CSNK2A2IP: variants seen among roughly 807,000 people sequenced by gnomAD.
The protein encoded by CSNK2A2IP is casein kinase 2 subunit alpha' interacting protein, also known as casein kinase II subunit alpha'-interacting protein.
At chr3:88,440,951 T>C in the CSNK2A2IP span, among the ~76,000 whole-genome samples, 1 of 152,186 alleles carries the variant, frequency 6.6e-6, no homozygotes. Context: ...GATCCTTAAT[T>C]GTAGATTCAA....
the CSNK2A2IP span, chr3:88,466,449 A>G: frequency 6.5e-6 from 8 of 1,231,852 alleles, no homozygotes; most frequent in South Asian, 1.6e-4. Flanking sequence ...CACCCCATCC[A>G]AAAACAAACA....
chr3:88,368,458 G>A, the CSNK2A2IP span, among the ~76,000 whole-genome samples: 8 of 152,024 alleles, frequency 5.3e-5, no homozygotes, highest in African/African-American at 1.4e-4. Context: ...CAATGCCATA[G>A]AGACAGACAA....
the CSNK2A2IP span, among the ~76,000 whole-genome samples, chr3:88,372,579 T>C: frequency 2.9e-4 from 44 of 151,312 alleles, no homozygotes; most frequent in Non-Finnish European, 3.4e-4. Context: ...AAAATACAAG[T>C]GAGGCAAGCA....
the CSNK2A2IP span, among the ~76,000 whole-genome samples, chr3:88,451,427 T>C: frequency 7.4e-5 from 1 of 13,522 alleles, no homozygotes; most frequent in Admixed American, 1.4e-3. Flanking sequence ...AAAATCAGGG[T>C]TTTTTTTTTT....
the CSNK2A2IP span, among the ~76,000 whole-genome samples, chr3:88,381,749 G>C: frequency 1.1e-4 from 17 of 152,206 alleles, no homozygotes; most frequent in South Asian, 2.5e-3. Flanking sequence ...AGTAAAGGAA[G>C]ACCAGGTGTG....
chr3:88,454,052 C>T, the CSNK2A2IP span, among the ~76,000 whole-genome samples: 7 of 152,018 alleles, frequency 4.6e-5, no homozygotes, highest in African/African-American at 1.7e-4. Context: ...CTCCCACCAG[C>T]AGTGTATGAG....
the CSNK2A2IP span, among the ~76,000 whole-genome samples, chr3:88,384,843 G>C: frequency 6.6e-6 from 1 of 152,064 alleles, no homozygotes; most frequent in Non-Finnish European, 1.5e-5. Flanking sequence ...TGAAACAGCA[G>C]CACAATAGAC....
the CSNK2A2IP span, among the ~76,000 whole-genome samples, chr3:88,351,334 TA>T: frequency 2.0e-5 from 3 of 152,116 alleles, no homozygotes; most frequent in Admixed American, 6.6e-5. Flanking sequence ...GCTTGTTAGA[TA>T]AATACATCTG....
At chr3:88,393,386 T>A in the CSNK2A2IP span, among the ~76,000 whole-genome samples, 205 of 152,296 alleles carry the variant, frequency 1.3e-3, 2 homozygotes, top group African/African-American at 4.5e-3. Flanking sequence ...CATGTGTGCA[T>A]GGGAAAAGTA....
chr3:88,462,756 C>T, the CSNK2A2IP span, among the ~76,000 whole-genome samples: 13 of 152,062 alleles, frequency 8.5e-5, no homozygotes, highest in Admixed American at 8.5e-4. Flanking sequence ...AAAGACTTCT[C>T]TGGAAAGAGA....
At chr3:88,450,021 C>T in the CSNK2A2IP span, among the ~76,000 whole-genome samples, 1 of 150,676 alleles carries the variant, frequency 6.6e-6, no homozygotes, top group Non-Finnish European at 1.5e-5. Flanking sequence ...GCTCGCATGA[C>T]CACGCCTGGC....
chr3:88,340,420 T>C, the CSNK2A2IP span, among the ~76,000 whole-genome samples: 62 of 152,048 alleles, frequency 4.1e-4, no homozygotes, highest in Non-Finnish European at 4.7e-4. Flanking sequence ...GAATTATTCG[T>C]AATGTATATT....
the CSNK2A2IP span, among the ~76,000 whole-genome samples, chr3:88,443,899 A>T: frequency 6.6e-6 from 1 of 152,100 alleles, no homozygotes; most frequent in Non-Finnish European, 1.5e-5. Flanking sequence ...AATAAAAAAA[A>T]AAATAAAAGT....
At chr3:88,446,038 CTTT>C in the CSNK2A2IP span, among the ~76,000 whole-genome samples, 2 of 11,326 alleles carry the variant, frequency 1.8e-4, no homozygotes, top group Non-Finnish European at 4.2e-4. Flanking sequence ...TCTTTTCTTT[CTTT>C]CTTTCTTTCT....
the CSNK2A2IP span, among the ~76,000 whole-genome samples, chr3:88,390,229 G>T: frequency 6.6e-6 from 1 of 152,124 alleles, no homozygotes; most frequent in Admixed American, 6.5e-5. Context: ...ATCAAATGAG[G>T]CTGGCAAACA....
the CSNK2A2IP span, among the ~76,000 whole-genome samples, chr3:88,451,423 AG>A: frequency 1.4e-5 from 1 of 71,900 alleles, no homozygotes; most frequent in Admixed American, 1.7e-4. Flanking sequence ...TTTTAAAATC[AG>A]GGTTTTTTTT....
At chr3:88,413,340 T>C in the CSNK2A2IP span, among the ~76,000 whole-genome samples, 6 of 151,960 alleles carry the variant, frequency 3.9e-5, no homozygotes, top group Non-Finnish European at 7.4e-5. Context: ...GTAACTCTTA[T>C]ACACTAAGAG....
the CSNK2A2IP span, among the ~76,000 whole-genome samples, chr3:88,360,548 GCATGTATTTA>G: frequency 2.0e-5 from 3 of 152,116 alleles, no homozygotes; most frequent in East Asian, 5.8e-4. Context: ...TTCAGTTTAT[GCATGTATTTA>G]CAGGTCAAGT....
the CSNK2A2IP span, among the ~76,000 whole-genome samples, chr3:88,394,294 T>C: frequency 6.6e-6 from 1 of 152,226 alleles, no homozygotes; most frequent in African/African-American, 2.4e-5. Context: ...ATTTTATCCA[T>C]ATCATCACCA....
Sources: allele counts gnomAD v4.1 joint callset (sites outside exome capture counted in the v4.1 genomes callset), GRCh38; gene constraint gnomAD v4.1.1; transcripts MANE v1.5; gene names NCBI Gene and HGNC (gene_info 2026-07-23, HGNC 2026-07-21).